EFCAB3: variants seen among roughly 807,000 people sequenced by gnomAD.
EFCAB3 encodes EF-hand calcium-binding domain-containing protein 3.
Under a neutral mutation model 42.2 loss-of-function variants are expected in EFCAB3, and 36 were observed. The ratio of observed to expected loss-of-function variants is 0.85; its 90% confidence interval spans 0.65 to 1.13. The LOEUF (loss-of-function observed/expected upper bound fraction) is 1.13, where lower values mean the gene tolerates loss of function less well. Ranked by LOEUF, EFCAB3 falls within the 50% of genes most tolerant of loss-of-function variation. The probability of loss-of-function intolerance (pLI) is 0.00; values close to 1 mark genes in which losing one functional copy is unlikely to be tolerated. For synonymous variants in EFCAB3, 170 were observed against 172.8 expected (o/e 0.98, Z 0.13); for missense variants, 418 against 505.1 (o/e 0.83, Z 1.65).
intron 8 of EFCAB3, among the ~76,000 whole-genome samples, chr17:62,413,393 G>T (rs1308347213): frequency 6.6e-6 from 1 of 151,970 alleles, no homozygotes; most frequent in Non-Finnish European, 1.5e-5. Flanking sequence ...AAAAAACATG[G>T]GTATACTCAT....
upstream of EFCAB3, among the ~76,000 whole-genome samples, chr17:62,378,897 CAT>C (rs75635728): frequency 0.053 from 7,972 of 151,216 alleles, 321 homozygotes; most frequent in Non-Finnish European, 0.082. Context: ...ACGTTCTGCA[CAT>C]GTGTCCCAGA....
chr17:62,407,159 C>T lies in EFCAB3; in HGVS notation c.814C>T (p.Pro272Ser), dbSNP rs115042128. The T allele has an allele frequency of 1.4e-5, 23 of 1,603,846 alleles. No individual in the cohort carries two copies. Among genetic ancestry groups the T allele is most frequent in the Non-Finnish European group, 1.9e-5 (22 of 1,176,604 alleles). Residue 272 changes from proline (P) to serine (S), a missense_variant, in exon 8 of 10, where the codon CCT becomes TCT. Pro to Ser is a moderately conservative substitution (Grantham distance 74). Coordinates refer to ENST00000305286, the MANE Select transcript of EFCAB3 (RefSeq NM_173503.4). ...ATTAGAGATGCTAAGAATAAAGGAG[C>T]CTTTGCATTTCTTTGAGGATTATTT... ...QKLEMLRIKE[P>S]LHFFEDYFFH...
chr17:62,376,995 G>A (rs973760933), upstream of EFCAB3, among the ~76,000 whole-genome samples: 2 of 152,022 alleles, frequency 1.3e-5, no homozygotes, highest in Non-Finnish European at 2.9e-5. Flanking sequence ...AATGGCATAG[G>A]GTGCCTCTAG....
intron 6 of EFCAB3, chr17:62,397,646 A>G: frequency 1.7e-6 from 1 of 600,334 alleles, no homozygotes. Flanking sequence ...GAATAGCAAG[A>G]AAATCACAGC....
At chr17:62,377,672 T>C (rs1345985396), upstream of EFCAB3, among the ~76,000 whole-genome samples, 1 of 152,210 alleles carries the variant, frequency 6.6e-6, no homozygotes, top group Non-Finnish European at 1.5e-5. Flanking sequence ...ATCATCTTCC[T>C]CCTGAATCAA....
chr17:62,409,358 A>G (rs2070475074), intron 8 of EFCAB3, among the ~76,000 whole-genome samples: 1 of 152,050 alleles, frequency 6.6e-6, no homozygotes, highest in Non-Finnish European at 1.5e-5. Flanking sequence ...CGTTTGGCCA[A>G]TAAATTATTT....
chr17:62,394,451 G>T (rs2070332116), intron 5 of EFCAB3, among the ~76,000 whole-genome samples: 1 of 152,168 alleles, frequency 6.6e-6, no homozygotes, highest in African/African-American at 2.4e-5. Context: ...TGGAGAGTCT[G>T]CTGGAGGTTA....
chr17:62,395,364 C>T (rs2070340400), intron 6 of EFCAB3, among the ~76,000 whole-genome samples, 176 bp downstream of exon 6: 1 of 152,182 alleles, frequency 6.6e-6, no homozygotes, highest in South Asian at 2.1e-4. Flanking sequence ...TCCCTCATCT[C>T]CACAGTCCTT....
At chr17:62,402,203 G>T (rs1385089018) in intron 6 of EFCAB3, among the ~76,000 whole-genome samples, 1 of 152,140 alleles carries the variant, frequency 6.6e-6, no homozygotes, top group Non-Finnish European at 1.5e-5. Flanking sequence ...AGACGATGGG[G>T]TTTTCTAAAT....
In EFCAB3 at chr17:62,387,341, G is replaced by T. The variant is rs114592394; in HGVS notation, c.76G>T (p.Asp26Tyr). The T allele has an allele frequency of 9.3e-6, 15 of 1,609,122 alleles. No homozygotes were observed. The highest frequency in any genetic ancestry group is 3.3e-5 in the South Asian group (3 of 90,734). ...AAATATTTTCACATCTTTCCTCAGG[G>T]ATAGAGACTTACCAGGATCTCTTCA... ...TKVPISHNKR[D>Y]RDLPGSLQCQ... Residue 26 changes from aspartate (D) to tyrosine (Y), a missense_variant and splice_region_variant, in exon 3 of 10, where the codon GAT becomes TAT. Coordinates refer to ENST00000305286, the MANE Select transcript of EFCAB3 (RefSeq NM_173503.4).
chr17:62,393,652 G>C lies in EFCAB3; in HGVS notation c.367+8G>C, dbSNP rs2070323686. The C allele has an allele frequency of 2.5e-6, 4 of 1,613,170 alleles. No homozygotes were observed. The highest frequency in any genetic ancestry group is 1.3e-5 in the African/African-American group (1 of 75,028). On this transcript the variant is annotated splice_region_variant and intron_variant, in intron 5 of 9. Coordinates refer to ENST00000305286, the MANE Select transcript of EFCAB3 (RefSeq NM_173503.4). ...TCTTCCTCAAGGCAGTGGGTGAGTA[G>C]AGATGTTATGAACAGAAGGCAGTTG...
intron 1 of EFCAB3, among the ~76,000 whole-genome samples, chr17:62,372,614 C>T (rs1213684052): frequency 4.6e-5 from 7 of 152,094 alleles, no homozygotes; most frequent in Admixed American, 3.9e-4. Flanking sequence ...CTTCTTAATC[C>T]ACTACTCTTG....
intron 4 of EFCAB3, among the ~76,000 whole-genome samples, chr17:62,392,967 C>T (rs138397737): frequency 0.011 from 1,718 of 152,084 alleles, 36 homozygotes; most frequent in African/African-American, 0.039. Context: ...ATATACTGAC[C>T]GAATTATTAG....
chr17:62,407,283 C>T (rs2144108050), intron 8 of EFCAB3, 71 bp downstream of exon 8: 1 of 1,295,264 alleles, frequency 7.7e-7, no homozygotes, highest in African/African-American at 1.5e-5. Context: ...GAACTAATGA[C>T]ATGCTTTTTA....
At chr17:62,396,395 A>ATT (rs2055181875) in intron 6 of EFCAB3, among the ~76,000 whole-genome samples, 3 of 152,186 alleles carry the variant, frequency 2.0e-5, no homozygotes, top group Admixed American at 2.0e-4. Flanking sequence ...TCTACTAAAA[A>ATT]TACAAAAATT....
At chr17:62,384,845 A>T (rs560329264) in intron 2 of EFCAB3, among the ~76,000 whole-genome samples, 2 of 152,328 alleles carry the variant, frequency 1.3e-5, no homozygotes, top group South Asian at 4.1e-4. Flanking sequence ...TCAAATACTC[A>T]TACAACTGTT....
chr17:62,384,700 A>G lies in EFCAB3; in HGVS notation c.74+1647A>G, dbSNP rs775658514. Among the ~76,000 whole-genome samples, 4 of 152,226 alleles carry G rather than the reference A, an allele frequency of 2.6e-5. No individual in the cohort carries two copies. The East Asian group carries it at 5.8e-4, about 22-fold the overall frequency. ...AACATAGTATTTCTCCATGTACTGC[A>G]TCTTCTACATCATGCAAAAGAAATT... is the stretch of plus-strand genomic sequence containing the variant. On this transcript the variant is annotated intron_variant, in intron 2 of 9. Coordinates refer to ENST00000305286, the MANE Select transcript of EFCAB3 (RefSeq NM_173503.4).
At chr17:62,397,135 T>C (rs1370001468) in intron 6 of EFCAB3, among the ~76,000 whole-genome samples, 1 of 152,216 alleles carries the variant, frequency 6.6e-6, no homozygotes, top group Non-Finnish European at 1.5e-5. Flanking sequence ...AAATGTTAGC[T>C]GATGTTGGCA....
chr17:62,397,771 TC>T (rs1395497572), intron 6 of EFCAB3: 4 of 387,324 alleles, frequency 1.0e-5, no homozygotes, highest in Non-Finnish European at 2.0e-5. Context: ...ATTGTTGTAA[TC>T]CCAGCACTTT....
Sources: gnomAD v4.1 joint callset for allele counts (sites outside exome capture counted in the v4.1 genomes callset) on GRCh38, gnomAD v4.1.1 for gene constraint, MANE v1.5 for transcripts, NCBI Gene and HGNC (gene_info 2026-07-23, HGNC 2026-07-21) for gene names.